Variants in CCDC178 observed in about 807,000 individuals in gnomAD.
CCDC178 encodes the protein coiled-coil domain containing 178.
Under a neutral mutation model 117.4 loss-of-function variants are expected in CCDC178, and 126 were observed. That is an observed-to-expected ratio of 1.07 (90% CI 0.93 to 1.24). The LOEUF (loss-of-function observed/expected upper bound fraction) is 1.24, where lower values mean the gene tolerates loss of function less well. CCDC178 is among the 50% of genes most tolerant of loss of function. The pLI is 0.00. For synonymous variants in CCDC178, 283 were observed against 313.4 expected, an observed-to-expected ratio of 0.90 and a Z score of 1.02; for missense variants, 1,030 against 986.9, an observed-to-expected ratio of 1.04 and a Z score of -0.59.
chr18:33,044,079 G>GTGTA (rs1284458032), intron 21 of CCDC178, among the ~76,000 whole-genome samples: 2 of 151,696 alleles, frequency 1.3e-5, no homozygotes, highest in East Asian at 3.9e-4. Flanking sequence ...ATGTGTGTGT[G>GTGTA]TGTATGTTTG....
chr18:32,969,218 T>G (rs2054876090), intron 22 of CCDC178, among the ~76,000 whole-genome samples: 2 of 151,976 alleles, frequency 1.3e-5, no homozygotes, highest in Non-Finnish European at 2.9e-5. Flanking sequence ...ACTCACATAC[T>G]AGTGGGTGAG....
At chr18:32,963,669 T>C (rs1297289115) in intron 22 of CCDC178, among the ~76,000 whole-genome samples, 1 of 152,038 alleles carries the variant, frequency 6.6e-6, no homozygotes, top group Non-Finnish European at 1.5e-5. Context: ...AAGATGTAGT[T>C]TATGAGTTCT....
chr18:33,065,015 T>C (rs896939719), intron 21 of CCDC178, among the ~76,000 whole-genome samples: 32 of 144,734 alleles, frequency 2.2e-4, no homozygotes, highest in African/African-American at 8.3e-4. Context: ...TTCTCACTCA[T>C]GTGTGGAATT....
intron 15 of CCDC178, among the ~76,000 whole-genome samples, chr18:33,228,055 C>T (rs1213942691): frequency 6.6e-6 from 1 of 152,066 alleles, no homozygotes; most frequent in East Asian, 1.9e-4. Context: ...CTCGATTTGA[C>T]CTTTGTCTGA....
At chr18:33,414,814 T>C (rs1254727516) in intron 2 of CCDC178, among the ~76,000 whole-genome samples, 1 of 152,184 alleles carries the variant, frequency 6.6e-6, no homozygotes, top group Non-Finnish European at 1.5e-5. Flanking sequence ...GACAAAGGGC[T>C]AATATCCAGA....
intron 2 of CCDC178, among the ~76,000 whole-genome samples, chr18:33,426,923 A>C (rs2064132630): frequency 1.3e-5 from 2 of 152,156 alleles, no homozygotes; most frequent in Non-Finnish European, 2.9e-5. Context: ...AGTTATTGTT[A>C]ATAAAATAAA....
intron 20 of CCDC178, among the ~76,000 whole-genome samples, chr18:33,184,483 A>T (rs1034406009): frequency 5.9e-5 from 9 of 151,996 alleles, no homozygotes; most frequent in Non-Finnish European, 5.9e-5. Flanking sequence ...ACTAAATAAT[A>T]AGACAGTCTA....
chr18:33,122,572 A>G (rs1259112026), intron 20 of CCDC178, among the ~76,000 whole-genome samples: 1 of 152,180 alleles, frequency 6.6e-6, no homozygotes, highest in Non-Finnish European at 1.5e-5. Context: ...CTAAAAAAAG[A>G]TGACCCTCCA....
chr18:33,279,453 G>A (rs1012629974), intron 12 of CCDC178, among the ~76,000 whole-genome samples: 1 of 152,084 alleles, frequency 6.6e-6, no homozygotes, highest in Admixed American at 6.6e-5. Flanking sequence ...AAATAAAAGA[G>A]GATACAAACA....
chr18:33,302,878 GA>G (rs1188693823), intron 11 of CCDC178, among the ~76,000 whole-genome samples: 1 of 152,042 alleles, frequency 6.6e-6, no homozygotes, highest in East Asian at 1.9e-4. Context: ...AGAAAGGGGG[GA>G]TAGACAGAGA....
At chr18:33,249,843 A>T (rs1012653072) in intron 14 of CCDC178, among the ~76,000 whole-genome samples, 2 of 152,016 alleles carry the variant, frequency 1.3e-5, no homozygotes, top group Non-Finnish European at 2.9e-5. Flanking sequence ...CATTGAATCT[A>T]TAAATTACCT....
chr18:33,344,134 C>G (rs2144669574), intron 9 of CCDC178, among the ~76,000 whole-genome samples: 1 of 150,010 alleles, frequency 6.7e-6, no homozygotes, highest in East Asian at 2.0e-4. Context: ...GAAACCCCGT[C>G]TCTACTAAAA....
intron 16 of CCDC178, 64 bp from the exon 17 acceptor site, chr18:33,225,000 T>C: frequency 8.4e-7 from 1 of 1,189,150 alleles, no homozygotes; most frequent in African/African-American, 1.6e-5. Flanking sequence ...GAGCCTCTTA[T>C]TCAGTGACAG....
chr18:33,275,231 T>TA (rs1232962896), intron 12 of CCDC178, among the ~76,000 whole-genome samples: 15 of 152,130 alleles, frequency 9.9e-5, no homozygotes, highest in Admixed American at 9.2e-4. Context: ...AGAGAAATCA[T>TA]ACATTTCTAT....
chr18:33,316,467 C>T (rs12960571), intron 11 of CCDC178, among the ~76,000 whole-genome samples: 40,670 of 151,852 alleles, frequency 0.27, 5,755 homozygotes, highest in East Asian at 0.49. Context: ...CCGCACCCCT[C>T]CCCCCACACG....
At chr18:33,112,521 T>C (rs928883409) in intron 20 of CCDC178, among the ~76,000 whole-genome samples, 2 of 151,906 alleles carry the variant, frequency 1.3e-5, no homozygotes, top group African/African-American at 2.4e-5. Context: ...TTTCTAGCTT[T>C]ATCAATTTTC....
At chr18:33,056,147 G>C (rs1162728738) in intron 21 of CCDC178, among the ~76,000 whole-genome samples, 1 of 152,072 alleles carries the variant, frequency 6.6e-6, no homozygotes, top group Non-Finnish European at 1.5e-5. Context: ...ATTGCCTATG[G>C]GGACACACAT....
rs542918020 is a variant in CCDC178, at chr18:33,153,992, C to A, written c.2238+57904G>T. Among the ~76,000 whole-genome samples the A allele has an allele frequency of 3.3e-5, 5 of 152,024 alleles. No individual in the cohort carries two copies. In the South Asian group the frequency reaches 1.0e-3, roughly 32 times the overall value. On this transcript the variant is annotated intron_variant, in intron 20 of 22. Coordinates refer to ENST00000383096, the MANE Select transcript of CCDC178 (RefSeq NM_001105528.4). ...CGAGAAAAGACGTAATATTGGTTTA[C>A]TATTCAACTTAAAATATTTTAAAAA...
chr18:33,293,592 G>A (rs1396748181), intron 11 of CCDC178, among the ~76,000 whole-genome samples: 1 of 152,128 alleles, frequency 6.6e-6, no homozygotes, highest in Non-Finnish European at 1.5e-5. Context: ...TCGAGCCCAG[G>A]AGGTTGAGGC....
Sources: gnomAD v4.1 joint callset for allele counts (sites outside exome capture counted in the v4.1 genomes callset) on GRCh38, gnomAD v4.1.1 for gene constraint, MANE v1.5 for transcripts, NCBI Gene and HGNC (gene_info 2026-07-23, HGNC 2026-07-21) for gene names.